Variants in DTNB observed in about 807,000 individuals in gnomAD.
DTNB encodes DTN-B.
A neutral mutation model predicts 90.7 loss-of-function variants in DTNB; 63 were observed. The ratio of observed to expected loss-of-function variants is 0.69; its 90% CI spans 0.57 to 0.86. The LOEUF (loss-of-function observed/expected upper bound fraction) is 0.86, where lower values mean the gene tolerates loss of function less well. Ranked by LOEUF, DTNB falls within the 40% of genes least tolerant of loss-of-function variation. The pLI is 0.00. For synonymous variants in DTNB, 277 were observed against 286.7 expected (o/e 0.97, Z 0.34); for missense variants, 744 against 807.1 (o/e 0.92, Z 0.95).
At chr2:25,663,074 C>A (rs1437372742) in intron 1 of DTNB, among the ~76,000 whole-genome samples, 1 of 152,022 alleles carries the variant, frequency 6.6e-6, no homozygotes, top group Non-Finnish European at 1.5e-5. Context: ...GCCCCCACCC[C>A]CCAACAGGCC....
At chr2:25,513,030 TA>T (rs1185061306) in intron 9 of DTNB, among the ~76,000 whole-genome samples, 1 of 152,202 alleles carries the variant, frequency 6.6e-6, no homozygotes, top group Non-Finnish European at 1.5e-5. Flanking sequence ...TCAAGAAGAT[TA>T]ATTTGTTAGA....
chr2:25,635,916 G>A (rs1377157078), intron 3 of DTNB, among the ~76,000 whole-genome samples: 2 of 152,282 alleles, frequency 1.3e-5, no homozygotes, highest in Non-Finnish European at 2.9e-5. Flanking sequence ...TCTGGTATTG[G>A]TAGAAGGATA....
At chr2:25,574,810 CTT>C (rs1013822165) in intron 8 of DTNB, among the ~76,000 whole-genome samples, 23 of 152,070 alleles carry the variant, frequency 1.5e-4, no homozygotes, top group African/African-American at 5.3e-4. Context: ...ATTTAAGTCT[CTT>C]TAACAAAAAT....
intron 4 of DTNB, among the ~76,000 whole-genome samples, chr2:25,611,487 C>T (rs754786244): frequency 2.4e-4 from 37 of 152,280 alleles, no homozygotes; most frequent in Admixed American, 4.6e-4. Flanking sequence ...CCAAAATCCA[C>T]GGATATTCAA....
At chr2:25,568,377 G>A (rs566931197) in intron 8 of DTNB, among the ~76,000 whole-genome samples, 1 of 151,848 alleles carries the variant, frequency 6.6e-6, no homozygotes, top group Admixed American at 6.6e-5. Context: ...AAGGAAGTAC[G>A]CAGGCATGGA....
At position 25,388,296 on chromosome 2, in the gene DTNB, T is replaced by C; in HGVS notation, c.1641A>G (p.Pro547=). The change falls in exon 17 of 21, where the codon CCA becomes CCG. Residue 547 remains proline, a synonymous_variant. Coordinates refer to ENST00000406818, the MANE Select transcript of DTNB (RefSeq NM_021907.5). The part of the protein sequence containing the change: ...THGGGRPMPM[P]VRSTSAGSTP... ...TGGAGCCGGCAGACGTGGAGCGCAC[T>C]GGCATGGGCATTGGCCGGCCGCCTC... is the stretch of plus-strand genomic sequence containing the variant. 6.2e-7 allele frequency: 1 copy of C among 1,613,418 alleles called. No homozygotes were observed. Among genetic ancestry groups the C allele is most frequent in the Non-Finnish European group, 8.5e-7 (1 of 1,179,646 alleles).
At position 25,526,395 on chromosome 2, in the gene DTNB, A is replaced by ATATTTTT; in HGVS notation, c.1001+5077_1001+5078insAAAAATA. Among the ~76,000 whole-genome samples the ATATTTTT allele has an allele frequency of 9.4e-4, 47 of 49,830 alleles. 2 individuals are homozygous for ATATTTTT. The highest frequency in any genetic ancestry group is 1.6e-3 in the African/African-American group (16 of 10,256). The allele number at this position is 49,830 out of a possible 152,430, so 32.7% of individuals were successfully genotyped here. On this transcript the variant is annotated intron_variant, in intron 9 of 20. Coordinates refer to ENST00000406818, the MANE Select transcript of DTNB (RefSeq NM_021907.5). ...TATATATATATATATATATATATATATTTTTTTTTTTTTAATTGAGACAGA... is the reference window on the plus strand; with the variant it reads ...TATATATATATATATATATATATATATATTTTTTTTTTTTTTTTTTAATTGAGACAGA...
At chr2:25,538,226 A>G (rs534468831) in intron 8 of DTNB, among the ~76,000 whole-genome samples, 103 of 152,116 alleles carry the variant, frequency 6.8e-4, no homozygotes, top group African/African-American at 2.5e-3. Context: ...CAAAAACAAC[A>G]ACAACAAAAA....
chr2:25,389,996 T>C (rs915814061), intron 16 of DTNB, among the ~76,000 whole-genome samples: 2 of 152,178 alleles, frequency 1.3e-5, no homozygotes, highest in Admixed American at 6.5e-5. Flanking sequence ...CCTAAAAATA[T>C]TGCAGAAAAA....
At chr2:25,564,342 T>C (rs896688038) in intron 8 of DTNB, among the ~76,000 whole-genome samples, 1 of 152,138 alleles carries the variant, frequency 6.6e-6, no homozygotes, top group African/African-American at 2.4e-5. Flanking sequence ...TTCTAACCCA[T>C]GAACACAGCA....
At chr2:25,474,949 CA>C (rs2063481797) in intron 10 of DTNB, among the ~76,000 whole-genome samples, 1 of 152,168 alleles carries the variant, frequency 6.6e-6, no homozygotes, top group Non-Finnish European at 1.5e-5. Context: ...CCAACTTAAT[CA>C]ATCAATATGT....
chr2:25,629,717 T>C (rs1050994149), intron 3 of DTNB, among the ~76,000 whole-genome samples: 2 of 152,098 alleles, frequency 1.3e-5, no homozygotes, highest in African/African-American at 4.8e-5. Flanking sequence ...TACCCTTTCA[T>C]AATAAAAACA....
chr2:25,448,781 G>A (rs1160797768), intron 12 of DTNB, among the ~76,000 whole-genome samples: 1 of 150,282 alleles, frequency 6.7e-6, no homozygotes, highest in Non-Finnish European at 1.5e-5. Flanking sequence ...GTGAACCCAG[G>A]AGGCAGAGCT....
At chr2:25,576,019 A>T (rs2148126863) in intron 8 of DTNB, among the ~76,000 whole-genome samples, 1 of 152,328 alleles carries the variant, frequency 6.6e-6, no homozygotes, top group South Asian at 2.1e-4. Context: ...AGGTAAAGAC[A>T]CCAATGTGGC....
At chr2:25,516,727 T>C (rs1441961230) in intron 9 of DTNB, among the ~76,000 whole-genome samples, 3 of 151,818 alleles carry the variant, frequency 2.0e-5, no homozygotes, top group Non-Finnish European at 4.4e-5. Context: ...CCGTCTCTAC[T>C]AAAAATACAA....
chr2:25,631,654 C>T (rs2075789194), intron 3 of DTNB, among the ~76,000 whole-genome samples: 1 of 151,482 alleles, frequency 6.6e-6, no homozygotes, highest in Non-Finnish European at 1.5e-5. Flanking sequence ...AGAATAGTCT[C>T]AAAACATATA....
intron 15 of DTNB, among the ~76,000 whole-genome samples, chr2:25,422,398 T>C (rs1016808818): frequency 2.2e-5 from 1 of 45,312 alleles, no homozygotes; most frequent in South Asian, 8.4e-4. Flanking sequence ...TTCTCTTCTT[T>C]TTTTTTTTTT....
At chr2:25,520,201 G>A (rs763502770) in intron 9 of DTNB, among the ~76,000 whole-genome samples, 7 of 152,136 alleles carry the variant, frequency 4.6e-5, no homozygotes, top group Non-Finnish European at 1.0e-4. Flanking sequence ...GGACAACATG[G>A]TGAAACCCCG....
intron 14 of DTNB, among the ~76,000 whole-genome samples, chr2:25,431,846 G>C (rs1225607579): frequency 1.3e-5 from 2 of 152,146 alleles, no homozygotes; most frequent in East Asian, 3.9e-4. Flanking sequence ...CAGACTTGCA[G>C]CAGTAAACCA....
Sources: allele counts gnomAD v4.1 joint callset (sites outside exome capture counted in the v4.1 genomes callset), GRCh38; gene constraint gnomAD v4.1.1; transcripts MANE v1.5; gene names NCBI Gene and HGNC (gene_info 2026-07-23, HGNC 2026-07-21).